The following BCAS3 variants were observed in gnomAD, a reference collection of about 807,000 sequenced individuals.
BCAS3 encodes the protein BCAS4/BCAS3 fusion.
Under a neutral mutation model 116.1 loss-of-function variants are expected in BCAS3, and 53 were observed. The ratio of observed to expected loss-of-function variants is 0.46; its 90% CI spans 0.37 to 0.57. The LOEUF (loss-of-function observed/expected upper bound fraction) is 0.57. BCAS3 is among the 20% of genes least tolerant of loss of function. The probability of loss-of-function intolerance (pLI) is 0.00; values close to 1 mark genes in which losing one functional copy is unlikely to be tolerated. For synonymous variants in BCAS3, 391 were observed against 408.2 expected (o/e 0.96, Z 0.51); for missense variants, 917 against 1,165.4 (o/e 0.79, Z 3.10).
intron 22 of BCAS3, among the ~76,000 whole-genome samples, chr17:61,094,050 A>G (rs896076430): frequency 1.3e-5 from 2 of 152,226 alleles, no homozygotes; most frequent in Non-Finnish European, 2.9e-5. Context: ...GAAATTTAGT[A>G]TAGATGGTGC....
At position 60,679,525 on chromosome 17, in the gene BCAS3, GC is replaced by G; in HGVS notation, c.73del (p.Gln25ArgfsTer13). Reference protein sequence around the residue: ...PSRCTGGVVVRPQAVTEQSYM... With the variant: ...PSRCTGGVVVXPQAVTEQSYM... ...CGTTGTACTGGTGGAGTTGTGGTTCGCCCCCAGGCTGTCACGTAAGCACATT... is the reference window on the plus strand; with the variant it reads ...CGTTGTACTGGTGGAGTTGTGGTTCGCCCCAGGCTGTCACGTAAGCACATT... On this transcript the variant is annotated frameshift_variant, in exon 2 of 24. Transcript: ENST00000407086. LOFTEE classifies it high-confidence loss of function. The G allele has an allele frequency of 6.2e-7, 1 of 1,612,856 alleles. No homozygotes were observed. The highest frequency in any genetic ancestry group is 8.5e-7 in the Non-Finnish European group (1 of 1,179,038).
At chr17:60,877,060 G>C (rs933333366) in intron 9 of BCAS3, among the ~76,000 whole-genome samples, 1 of 151,990 alleles carries the variant, frequency 6.6e-6, no homozygotes, top group South Asian at 2.1e-4. Context: ...TGAAAATGTA[G>C]TGCTTCTCTG....
intron 6 of BCAS3, among the ~76,000 whole-genome samples, chr17:60,750,215 A>G (rs1294011819): frequency 6.6e-6 from 1 of 152,138 alleles, no homozygotes; most frequent in Non-Finnish European, 1.5e-5. Flanking sequence ...ATTAGAGTGA[A>G]GAAGAAAACC....
chr17:60,785,847 G>T (rs2046240069), intron 6 of BCAS3, among the ~76,000 whole-genome samples: 1 of 152,198 alleles, frequency 6.6e-6, no homozygotes, highest in Non-Finnish European at 1.5e-5. Flanking sequence ...GATACTTAGA[G>T]AAAAAGTTGT....
rs373599624 is a variant in BCAS3 at position 61,074,946 on chromosome 17, A to G, written c.2056A>G (p.Ile686Val). Reference sequence around the variant, plus strand: ...GGTTCCCCCTGGAAGTCCTGGGCCCATTACTCGACATGGGTCTTACGACAG... The same window carrying G: ...GGTTCCCCCTGGAAGTCCTGGGCCCGTTACTCGACATGGGTCTTACGACAG... ...GLVPPGSPGPITRHGSYDSLA... is the reference protein window; with the variant it reads ...GLVPPGSPGPVTRHGSYDSLA... Residue 686 changes from isoleucine (I) to valine (V), a missense_variant, in exon 20 of 24, where the codon ATT becomes GTT. By Grantham distance (29) the Ile-to-Val change is conservative (BLOSUM62 3). Around this residue, in one of 3 missense-constraint regions of BCAS3, gnomAD observed 807 missense variants for 1,026.0 expected, o/e 0.79. Transcript: ENST00000407086. 3.1e-6 allele frequency: 5 copies of G among 1,613,474 alleles called. No individual in the cohort carries two copies. The highest frequency in any genetic ancestry group is 1.3e-5 in the African/African-American group (1 of 75,016).
chr17:61,325,330 C>G lies in BCAS3; in HGVS notation c.2426-42997C>G, dbSNP rs1018540087. Among the ~76,000 whole-genome samples the G allele has an allele frequency of 1.3e-5, 2 of 152,204 alleles. No homozygotes were observed. Among genetic ancestry groups the G allele is most frequent in the Non-Finnish European group, 2.9e-5 (2 of 68,042 alleles). On this transcript the variant is annotated intron_variant, in intron 22 of 23. Transcript: ENST00000407086. This position sits in a 1 kb window ranked among gnomAD's most constrained non-coding sequence, Gnocchi z 6.4. ...GTGGGGCCTGATTCTCAACCTCCAT[C>G]CTGTCCTGCACATACTCGGCGTGGC... is the stretch of plus-strand genomic sequence containing the variant.
intron 11 of BCAS3, among the ~76,000 whole-genome samples, chr17:60,907,970 C>T (rs779906595): frequency 6.6e-6 from 1 of 152,104 alleles, no homozygotes; most frequent in Non-Finnish European, 1.5e-5. Context: ...ACCCTAAAAG[C>T]AAGGGTCTTT....
In BCAS3 at chr17:61,326,080, CT is replaced by C. The variant is rs2055705133; in HGVS notation, c.2426-42245del. 6.6e-6 allele frequency among the ~76,000 whole-genome samples: 1 copy of C among 152,160 alleles called. No individual in the cohort carries two copies. Among genetic ancestry groups the C allele is most frequent in the African/African-American group, 2.4e-5 (1 of 41,436 alleles). On this transcript the variant is annotated intron_variant, in intron 22 of 23. Coordinates refer to ENST00000407086, the MANE Select transcript of BCAS3 (RefSeq NM_017679.5). The surrounding 1 kb of genome is among the most constrained non-coding windows in gnomAD (Gnocchi z 5.3). ...TGCGCACTGCCCGGACACAGTGGAG[CT>C]TGTGAAGTTTGTGGTCTAGGAGGGG... is the stretch of plus-strand genomic sequence containing the variant.
At chr17:61,115,218 A>G (rs964527003) in intron 22 of BCAS3, among the ~76,000 whole-genome samples, 1 of 152,202 alleles carries the variant, frequency 6.6e-6, no homozygotes, top group Non-Finnish European at 1.5e-5. Flanking sequence ...AGCAATGGCA[A>G]CAAAAGACAA....
rs2048972058 is a variant in BCAS3, at chr17:61,258,663, A to G, written c.2426-109664A>G. 6.6e-6 allele frequency among the ~76,000 whole-genome samples: 1 copy of G among 152,216 alleles called. No individual in the cohort carries two copies. The highest frequency in any genetic ancestry group is 2.1e-4 in the South Asian group (1 of 4,834). On this transcript the variant is annotated intron_variant, in intron 22 of 23. Transcript: ENST00000407086. This position sits in a 1 kb window ranked among gnomAD's most constrained non-coding sequence, Gnocchi z 4.7. ...GTAAGTAGACTGATGTTCACTCCTTATTGCATGATTTTCTAAAGTGGAGAA... is the reference window on the plus strand; with the variant it reads ...GTAAGTAGACTGATGTTCACTCCTTGTTGCATGATTTTCTAAAGTGGAGAA...
Position 60,996,386 on chromosome 17 carries a change from A to G in BCAS3, c.1486+6151A>G, listed in dbSNP as rs1171457940. 2.0e-5 allele frequency among the ~76,000 whole-genome samples: 3 copies of G among 152,190 alleles called. 1 individual carries two copies. The highest frequency in any genetic ancestry group is 7.2e-5 in the African/African-American group (3 of 41,442). The stretch of plus-strand genomic sequence containing the variant: ...TCATTGGATTCTTGATATATTTTTT[A>G]TGGTATGGCGATCAGAATTTCTGGT... On this transcript the variant is annotated intron_variant, in intron 15 of 23. Transcript: ENST00000407086.
chr17:60,789,104 T>A (rs758094048), intron 6 of BCAS3, among the ~76,000 whole-genome samples: 20 of 152,172 alleles, frequency 1.3e-4, no homozygotes, highest in Non-Finnish European at 2.6e-4. Context: ...CTAGAAAATA[T>A]TTTTCTCAGT....
At chr17:60,922,994 C>A (rs1464239816) in intron 12 of BCAS3, among the ~76,000 whole-genome samples, 1 of 151,874 alleles carries the variant, frequency 6.6e-6, no homozygotes, top group Non-Finnish European at 1.5e-5. Context: ...AAGAAAATGG[C>A]CTGAAATTAA....
At chr17:61,108,970 G>A (rs1409653592) in intron 22 of BCAS3, among the ~76,000 whole-genome samples, 2 of 151,956 alleles carry the variant, frequency 1.3e-5, no homozygotes, top group Non-Finnish European at 1.5e-5. Context: ...GGCGGATCAC[G>A]AGGTCAAGAG....
intron 9 of BCAS3, among the ~76,000 whole-genome samples, chr17:60,879,646 C>T (rs2055933598): frequency 6.6e-6 from 1 of 152,136 alleles, no homozygotes; most frequent in Admixed American, 6.6e-5. Context: ...ATGAAGTCTC[C>T]AGAGAGATCA....
intron 7 of BCAS3, among the ~76,000 whole-genome samples, chr17:60,842,668 A>C (rs894298923): frequency 6.6e-6 from 1 of 152,064 alleles, no homozygotes; most frequent in Non-Finnish European, 1.5e-5. Flanking sequence ...AGCAGTGCTC[A>C]CATTTGCTTA....
intron 22 of BCAS3, among the ~76,000 whole-genome samples, chr17:61,305,769 G>A (rs1302236182): frequency 6.6e-6 from 1 of 152,104 alleles, no homozygotes; most frequent in East Asian, 1.9e-4. Context: ...GGTAGCGTGC[G>A]GCTGTAATCC....
intron 14 of BCAS3, among the ~76,000 whole-genome samples, chr17:60,968,412 G>T (rs898265442): frequency 6.6e-6 from 1 of 152,018 alleles, no homozygotes; most frequent in African/African-American, 2.4e-5. Context: ...TGTTGTTGTT[G>T]TTAGAGACAG....
intron 11 of BCAS3, among the ~76,000 whole-genome samples, chr17:60,908,615 T>C (rs1296588519): frequency 6.6e-6 from 1 of 152,144 alleles, no homozygotes; most frequent in South Asian, 2.1e-4. Flanking sequence ...TCCAACAGAC[T>C]TTGTGTAAGT....
Sources: gnomAD v4.1 joint callset for allele counts (sites outside exome capture counted in the v4.1 genomes callset) on GRCh38, gnomAD v4.1.1 for gene constraint, gnomAD v4.1.1 regional missense constraint, Gnocchi (gnomAD v3.1) non-coding constraint, MANE v1.5 for transcripts, NCBI Gene and HGNC (gene_info 2026-07-23, HGNC 2026-07-21) for gene names.